The following MDFIC2 variants were observed in gnomAD, a reference collection of about 807,000 sequenced individuals.
MDFIC2 encodes the protein myoD family inhibitor domain-containing protein 2.
chr3:70,231,446 C>T (rs1239861740), intron 2 of MDFIC2, among the ~76,000 whole-genome samples: 1 of 152,204 alleles, frequency 6.6e-6, no homozygotes, highest in African/African-American at 2.4e-5. Flanking sequence ...TGAGTGAAAG[C>T]TCTAAAAGAG....
chr3:70,270,814 C>T (rs1004773787), intron 2 of MDFIC2, among the ~76,000 whole-genome samples: 7 of 152,058 alleles, frequency 4.6e-5, no homozygotes, highest in South Asian at 2.1e-4. Context: ...AGTTATCACT[C>T]ATAAGTGGGA....
chr3:70,255,372 T>A (rs924196982), intron 2 of MDFIC2, among the ~76,000 whole-genome samples: 1 of 152,144 alleles, frequency 6.6e-6, no homozygotes, highest in Non-Finnish European at 1.5e-5. Flanking sequence ...TTCTTGACAT[T>A]TGGTTCATAA....
intron 2 of MDFIC2, among the ~76,000 whole-genome samples, chr3:70,249,938 G>A (rs998168717): frequency 6.6e-6 from 1 of 152,152 alleles, no homozygotes; most frequent in African/African-American, 2.4e-5. Context: ...TACTCCAAGT[G>A]GCCTCTGTTA....
At chr3:70,201,951 G>GGTGGT (rs1559533839) in intron 3 of MDFIC2, among the ~76,000 whole-genome samples, 1 of 152,156 alleles carries the variant, frequency 6.6e-6, no homozygotes, top group African/African-American at 2.4e-5. Context: ...CTTTGCTTTG[G>GGTGGT]GTGGTGTCTT....
chr3:70,253,720 C>A (rs186850972), intron 2 of MDFIC2, among the ~76,000 whole-genome samples: 20 of 152,072 alleles, frequency 1.3e-4, no homozygotes, highest in Admixed American at 1.2e-3. Context: ...AAAACCCCAA[C>A]TCTAAAAAAA....
chr3:70,204,094 G>A (rs1342585530), intron 3 of MDFIC2, among the ~76,000 whole-genome samples: 8 of 152,156 alleles, frequency 5.3e-5, no homozygotes, highest in Admixed American at 5.2e-4. Context: ...ATCTGCATGT[G>A]TGAGGCTTTT....
intron 2 of MDFIC2, among the ~76,000 whole-genome samples, chr3:70,245,193 G>A (rs897753486): frequency 2.6e-5 from 4 of 151,898 alleles, no homozygotes; most frequent in Non-Finnish European, 4.4e-5. Flanking sequence ...ATTTCTCTTG[G>A]CGTTAAGTCT....
At chr3:70,296,139 A>G (rs1702287456) in intron 2 of MDFIC2, among the ~76,000 whole-genome samples, 1 of 151,988 alleles carries the variant, frequency 6.6e-6, no homozygotes, top group Non-Finnish European at 1.5e-5. Flanking sequence ...TTATCAGTAC[A>G]TTTTCTTTAC....
chr3:70,229,831 G>A (rs756508782), intron 2 of MDFIC2, among the ~76,000 whole-genome samples: 2 of 152,076 alleles, frequency 1.3e-5, no homozygotes, highest in Non-Finnish European at 2.9e-5. Flanking sequence ...AAATTTGGAG[G>A]TCAATATTTG....
At chr3:70,308,347 A>C (rs1702422775) in intron 2 of MDFIC2, among the ~76,000 whole-genome samples, 1 of 152,154 alleles carries the variant, frequency 6.6e-6, no homozygotes, top group South Asian at 2.1e-4. Flanking sequence ...ATGAGTCACT[A>C]TGCTGAGCAA....
At chr3:70,248,814 C>G (rs1261977424) in intron 2 of MDFIC2, among the ~76,000 whole-genome samples, 1 of 151,986 alleles carries the variant, frequency 6.6e-6, no homozygotes, top group Non-Finnish European at 1.5e-5. Flanking sequence ...AGTAGGCTAC[C>G]ATGTGTGATA....
chr3:70,235,370 C>A (rs774816389), intron 2 of MDFIC2, among the ~76,000 whole-genome samples: 1 of 152,198 alleles, frequency 6.6e-6, no homozygotes, highest in Non-Finnish European at 1.5e-5. Flanking sequence ...CATACTATTT[C>A]ATCACCCACT....
chr3:70,294,241 G>C (rs1349098792), intron 2 of MDFIC2, among the ~76,000 whole-genome samples: 1 of 152,074 alleles, frequency 6.6e-6, no homozygotes, highest in Non-Finnish European at 1.5e-5. Context: ...ACATTAAATT[G>C]ATTTTTTGAA....
In MDFIC2 at chr3:70,284,616, G is replaced by C. The variant is rs116291412; in HGVS notation, c.88+27270C>G. Among the ~76,000 whole-genome samples, 749 of 152,192 alleles carry C rather than the reference G, an allele frequency of 4.9e-3. 3 individuals carry two copies. The highest frequency in any genetic ancestry group is 7.3e-3 in the Non-Finnish European group (494 of 67,996). On this transcript the variant is annotated intron_variant, in intron 2 of 3. Transcript: ENST00000567252. ...TTTGCAAGGACTGAATGGAGCCAGA[G>C]GACATCTTCCTTAGAAATTAACACA...
chr3:70,240,330 C>T (rs1184950346), intron 2 of MDFIC2, among the ~76,000 whole-genome samples: 1 of 151,658 alleles, frequency 6.6e-6, no homozygotes, highest in East Asian at 1.9e-4. Flanking sequence ...GCAGAATAAC[C>T]AATTACTTTT....
At chr3:70,307,786 C>T (rs1702416275) in intron 2 of MDFIC2, among the ~76,000 whole-genome samples, 1 of 152,172 alleles carries the variant, frequency 6.6e-6, no homozygotes, top group Non-Finnish European at 1.5e-5. Flanking sequence ...CCAGTGACAA[C>T]ACAGAACCAA....
At chr3:70,231,468 A>G (rs1701559649) in intron 2 of MDFIC2, among the ~76,000 whole-genome samples, 2 of 152,168 alleles carry the variant, frequency 1.3e-5, no homozygotes, top group African/African-American at 4.8e-5. Flanking sequence ...TCCCTTCTAA[A>G]TTGCATCACA....
chr3:70,247,904 T>C lies in MDFIC2; in HGVS notation c.89-41114A>G, dbSNP rs115074412. On this transcript the variant is annotated intron_variant, in intron 2 of 3. Coordinates refer to ENST00000567252, the MANE Select transcript of MDFIC2 (RefSeq NM_001364677.1). Reference sequence around the variant, plus strand: ...TTATTTTTTATAAGTTTCTGTTTTCTGTAGTAAAGAGATGTGTATTCTTTT... The same window carrying C: ...TTATTTTTTATAAGTTTCTGTTTTCCGTAGTAAAGAGATGTGTATTCTTTT... 3.7e-3 allele frequency among the ~76,000 whole-genome samples: 569 copies of C among 152,232 alleles called. 3 individuals are homozygous for C. Among genetic ancestry groups the C allele is most frequent in the African/African-American group, 0.013 (544 of 41,568 alleles).
At chr3:70,239,215 T>A (rs1312797818) in intron 2 of MDFIC2, among the ~76,000 whole-genome samples, 1 of 152,230 alleles carries the variant, frequency 6.6e-6, no homozygotes, top group Non-Finnish European at 1.5e-5. Context: ...TTCAACTATG[T>A]CATGAAATTT....
Sources: allele counts gnomAD v4.1 joint callset (sites outside exome capture counted in the v4.1 genomes callset), GRCh38; gene constraint gnomAD v4.1.1; transcripts MANE v1.5; gene names NCBI Gene and HGNC (gene_info 2026-07-23, HGNC 2026-07-21).